The following FGF7 variants were observed in gnomAD, a reference collection of about 807,000 sequenced individuals.
The protein encoded by FGF7 is FGF-7.
A neutral mutation model predicts 20.5 loss-of-function variants in FGF7; 6 were observed. The observed-to-expected ratio is 0.29, with a 90% CI of 0.16 to 0.58. The LOEUF (loss-of-function observed/expected upper bound fraction) is 0.58. FGF7 is among the 20% of genes least tolerant of loss of function. The pLI, the probability that FGF7 is intolerant of heterozygous loss-of-function variation, is 0.90. For synonymous variants in FGF7, 64 were observed against 74.7 expected (o/e 0.86, Z 0.74); for missense variants, 144 against 228.8 (o/e 0.63, Z 2.39).
At chr15:49,451,009 T>C (rs911861376) in intron 2 of FGF7, among the ~76,000 whole-genome samples, 7 of 152,086 alleles carry the variant, frequency 4.6e-5, no homozygotes, top group Non-Finnish European at 8.8e-5. Flanking sequence ...TGTGTGTGAG[T>C]GGGGAAATAT....
At chr15:49,428,317 G>C (rs1399602501) in intron 2 of FGF7, among the ~76,000 whole-genome samples, 1 of 151,856 alleles carries the variant, frequency 6.6e-6, no homozygotes. Context: ...CTAATAATAA[G>C]AATACTAAAA....
chr15:49,436,308 G>A (rs1310327819), intron 2 of FGF7, among the ~76,000 whole-genome samples: 2 of 151,562 alleles, frequency 1.3e-5, no homozygotes, highest in Non-Finnish European at 3.0e-5. Flanking sequence ...ATTAGATATT[G>A]CATAGTAGGT....
intron 2 of FGF7, among the ~76,000 whole-genome samples, chr15:49,456,816 T>C (rs1269920870): frequency 6.6e-6 from 1 of 152,060 alleles, no homozygotes; most frequent in Non-Finnish European, 1.5e-5. Flanking sequence ...GATACAGAGT[T>C]GTGAGAATCA....
chr15:49,457,001 G>A (rs1461847400), intron 2 of FGF7, among the ~76,000 whole-genome samples: 2 of 152,100 alleles, frequency 1.3e-5, no homozygotes, highest in African/African-American at 4.8e-5. Flanking sequence ...AAATCACAGA[G>A]CTAGTGAGTG....
intron 2 of FGF7, among the ~76,000 whole-genome samples, chr15:49,445,758 A>G (rs2052141856): frequency 6.6e-6 from 1 of 151,586 alleles, no homozygotes; most frequent in Non-Finnish European, 1.5e-5. Context: ...GTATCTGTTT[A>G]AAGTCCTGCT....
intron 2 of FGF7, among the ~76,000 whole-genome samples, chr15:49,463,550 CAA>C (rs34545202): frequency 7.2e-5 from 9 of 125,852 alleles, no homozygotes; most frequent in Non-Finnish European, 6.7e-5. Context: ...GATTCCGTCT[CAA>C]AAAAAAAAAA....
At chr15:49,474,272 G>A (rs1045958882) in intron 2 of FGF7, among the ~76,000 whole-genome samples, 10 of 152,118 alleles carry the variant, frequency 6.6e-5, no homozygotes, top group Admixed American at 2.6e-4. Flanking sequence ...AATTCATACC[G>A]TATGAGAAAG....
At chr15:49,463,861 A>C (rs2054022977) in intron 2 of FGF7, among the ~76,000 whole-genome samples, 1 of 152,244 alleles carries the variant, frequency 6.6e-6, no homozygotes, top group East Asian at 1.9e-4. Context: ...TCTTATAAGC[A>C]CAGAAATATC....
At chr15:49,441,331 T>C (rs1935310012) in intron 2 of FGF7, among the ~76,000 whole-genome samples, 1 of 151,754 alleles carries the variant, frequency 6.6e-6, no homozygotes. Flanking sequence ...GGGGATACAA[T>C]GATTAGAAAG....
chr15:49,450,297 A>C (rs28375625), intron 2 of FGF7, among the ~76,000 whole-genome samples: 81,113 of 151,830 alleles, frequency 0.53, 21,980 homozygotes, highest in Admixed American at 0.63. Context: ...TCAATACAAG[A>C]TAACTCTTTC....
At chr15:49,471,361 T>C (rs776311836) in intron 2 of FGF7, among the ~76,000 whole-genome samples, 1 of 151,754 alleles carries the variant, frequency 6.6e-6, no homozygotes, top group Non-Finnish European at 1.5e-5. Flanking sequence ...GCACAACCTG[T>C]AATTACAGCT....
At chr15:49,457,698 T>G (rs1422297981) in intron 2 of FGF7, among the ~76,000 whole-genome samples, 2 of 151,878 alleles carry the variant, frequency 1.3e-5, no homozygotes, top group Non-Finnish European at 2.9e-5. Flanking sequence ...AGATTTCCAA[T>G]GTCTATTACT....
At position 49,424,359 on chromosome 15, in the gene FGF7, T is replaced by G; in HGVS notation, c.62T>G (p.Ile21Ser). 1.9e-6 allele frequency: 3 copies of G among 1,613,676 alleles called. No individual in the cohort carries two copies. Among genetic ancestry groups the G allele is most frequent in the Non-Finnish European group, 2.5e-6 (3 of 1,179,700 alleles). The change falls in exon 2 of 4, where the codon ATT becomes AGT. Residue 21 changes from isoleucine (I) to serine (S), a missense_variant. Ile to Ser is a moderately radical substitution (Grantham distance 142). Transcript: ENST00000267843. ...PTLLYRSCFH[I>S]ICLVGTISLA... is the part of the protein sequence containing the mutation. ...TTGCTCTACAGATCATGCTTTCACA[T>G]TATCTGTCTAGTGGGTACTATATCT...
intron 2 of FGF7, chr15:49,434,527 T>G (rs1298107360): frequency 6.6e-6 from 1 of 151,504 alleles, no homozygotes; most frequent in Non-Finnish European, 1.5e-5. Flanking sequence ...GGACAAAAGA[T>G]AGAGGACAGA....
chr15:49,433,754 G>C (rs936017317), intron 2 of FGF7, among the ~76,000 whole-genome samples: 6 of 151,706 alleles, frequency 4.0e-5, no homozygotes, highest in African/African-American at 1.5e-4. Flanking sequence ...ACCAATTCTA[G>C]AGGAGCTGTG....
rs1346322510 is a variant in FGF7, at chr15:49,484,672, G to C, written c.*168G>C. On this transcript the variant is annotated 3_prime_UTR_variant, in exon 4 of 4. Transcript: ENST00000267843. Reference sequence around the variant, plus strand: ...ACTTGTGCATTTATGTTTGTTTTAAGACACTGCATTAAAGAAAGATTTGAA... The same window carrying C: ...ACTTGTGCATTTATGTTTGTTTTAACACACTGCATTAAAGAAAGATTTGAA... The C allele has an allele frequency of 4.6e-6, 2 of 430,652 alleles. No individual in the cohort carries two copies. The highest frequency in any genetic ancestry group is 4.1e-5 in the African/African-American group (2 of 48,612). 26.7% of individuals were successfully genotyped at this position (430,652 alleles called of 1,614,324 possible).
intron 2 of FGF7, among the ~76,000 whole-genome samples, chr15:49,451,992 G>T (rs1457994811): frequency 6.6e-6 from 1 of 152,004 alleles, no homozygotes; most frequent in Non-Finnish European, 1.5e-5. Flanking sequence ...CTCTCAATAT[G>T]ATATCTTATA....
intron 2 of FGF7, among the ~76,000 whole-genome samples, chr15:49,455,643 T>C (rs954856214): frequency 1.3e-5 from 2 of 152,196 alleles, no homozygotes; most frequent in African/African-American, 2.4e-5. Flanking sequence ...TAATCTAATG[T>C]CCTATATTTC....
chr15:49,482,549 T>C (rs1380537858), intron 2 of FGF7, among the ~76,000 whole-genome samples: 1 of 152,082 alleles, frequency 6.6e-6, no homozygotes, highest in East Asian at 1.9e-4. Context: ...TTTCAGTATA[T>C]TCAAGAGCTA....
Sources: allele counts gnomAD v4.1 joint callset (sites outside exome capture counted in the v4.1 genomes callset), GRCh38; gene constraint gnomAD v4.1.1; transcripts MANE v1.5; gene names NCBI Gene and HGNC (gene_info 2026-07-23, HGNC 2026-07-21).